Variants in DPYSL2 observed in about 807,000 individuals in gnomAD.
DPYSL2 encodes dihydropyrimidinase-related protein 2.
Under a neutral mutation model 69.9 loss-of-function variants are expected in DPYSL2, and 13 were observed. That is an observed-to-expected ratio of 0.19 (90% CI 0.12 to 0.30). The LOEUF is 0.30. Ranked by LOEUF, DPYSL2 falls within the 10% of genes least tolerant of loss-of-function variation. The pLI, the probability that DPYSL2 is intolerant of heterozygous loss-of-function variation, is 1.00. For synonymous variants in DPYSL2, 326 were observed against 359.1 expected (o/e 0.91, Z 1.04); for missense variants, 587 against 918.9 (o/e 0.64, Z 4.67).
Position 26,626,723 on chromosome 8 carries a change from C to T in DPYSL2, c.855+45C>T. The T allele has an allele frequency of 1.3e-6, 2 of 1,598,862 alleles. No homozygotes were observed. The highest frequency in any genetic ancestry group is 1.7e-6 in the Non-Finnish European group (2 of 1,166,910). ...GGAAGAGGCACCCTGACATTTGGTA[C>T]CTTCAGGCTGTGGCCGTTTGGGAAA... On this transcript the variant is annotated intron_variant, in intron 5 of 13. Coordinates refer to ENST00000521913, the MANE Select transcript of DPYSL2 (RefSeq NM_001197293.3). The surrounding 1 kb of genome is among the most constrained non-coding windows in gnomAD (Gnocchi z 4.3).
chr8:26,626,482 A>AACACACACAC lies in DPYSL2; in HGVS notation c.794-104_794-95dup, dbSNP rs58931747. The AACACACACAC allele has an allele frequency of 2.7e-5, 15 of 547,384 alleles. No individual in the cohort carries two copies. Among genetic ancestry groups the AACACACACAC allele is most frequent in the East Asian group, 1.3e-4 (4 of 31,836 alleles). The allele number at this position is 547,384 out of a possible 1,614,324, so 33.9% of individuals were successfully genotyped here. On this transcript the variant is annotated intron_variant, in intron 4 of 13. Transcript: ENST00000521913. This position sits in a 1 kb window ranked among gnomAD's most constrained non-coding sequence, Gnocchi z 4.3. ...TCTCCTCTCTCTTTCTCTGTACTGA[A>AACACACACAC]ACACACACACACACACACACACACA...
At chr8:26,634,977 TC>T (rs1216429391) in intron 8 of DPYSL2, 77 bp downstream of exon 8, 6 of 1,580,738 alleles carry the variant, frequency 3.8e-6, no homozygotes, top group Non-Finnish European at 5.2e-6. Context: ...TAGGGAGGGC[TC>T]CTTTTCCAGA....
intron 1 of DPYSL2, among the ~76,000 whole-genome samples, chr8:26,529,189 C>T (rs914741778): frequency 6.6e-6 from 1 of 151,788 alleles, no homozygotes; most frequent in African/African-American, 2.4e-5. Flanking sequence ...AATAGTAGGC[C>T]TAAGATCGTT....
rs58931747 is a variant in DPYSL2, at chr8:26,626,482, AACACACACACACACACACACACACAC to A, written c.794-120_794-95del. Reference sequence around the variant, plus strand: ...TCTCCTCTCTCTTTCTCTGTACTGAAACACACACACACACACACACACACACACACACACACACACGTACACACACA... The same window carrying A: ...TCTCCTCTCTCTTTCTCTGTACTGAAACACACACACACACGTACACACACA... On this transcript the variant is annotated intron_variant, in intron 4 of 13. Coordinates refer to ENST00000521913, the MANE Select transcript of DPYSL2 (RefSeq NM_001197293.3). The surrounding 1 kb of genome is among the most constrained non-coding windows in gnomAD (Gnocchi z 4.3). The A allele has an allele frequency of 1.5e-5, 8 of 547,386 alleles. No individual in the cohort carries two copies. In the Admixed American group the frequency reaches 1.7e-4, roughly 11 times the overall value. 33.9% of individuals were successfully genotyped at this position (547,386 alleles called of 1,614,324 possible).
chr8:26,607,183 A>G (rs1258142642), intron 3 of DPYSL2, among the ~76,000 whole-genome samples: 1 of 152,170 alleles, frequency 6.6e-6, no homozygotes, highest in Admixed American at 6.5e-5. Flanking sequence ...AGTAGTATAT[A>G]GTCATTAAAA....
At chr8:26,572,991 T>C (rs550636569) in intron 1 of DPYSL2, among the ~76,000 whole-genome samples, 12 of 152,198 alleles carry the variant, frequency 7.9e-5, no homozygotes, top group Middle Eastern at 3.4e-3. Context: ...GTTTCAGAAA[T>C]TGAGAAAAAA....
chr8:26,613,271 C>T (rs1317424422), intron 3 of DPYSL2, among the ~76,000 whole-genome samples: 1 of 152,224 alleles, frequency 6.6e-6, no homozygotes, highest in East Asian at 1.9e-4. Flanking sequence ...CTGCCTGCTC[C>T]CTGCCTCTCC....
intron 3 of DPYSL2, among the ~76,000 whole-genome samples, chr8:26,599,556 A>C (rs1347653007): frequency 3.1e-3 from 193 of 62,492 alleles, no homozygotes; most frequent in Admixed American, 7.8e-3. Context: ...CCCTCCCTCC[A>C]CTCCTCTCCC....
chr8:26,618,582 G>C (rs930765453), intron 3 of DPYSL2, among the ~76,000 whole-genome samples: 3 of 141,460 alleles, frequency 2.1e-5, no homozygotes, highest in Non-Finnish European at 3.0e-5. Context: ...GCCTCCCAAA[G>C]TGCTGAGATT....
chr8:26,546,921 C>CAAAAAAAAAAAAAAAA (rs61360009), intron 1 of DPYSL2, among the ~76,000 whole-genome samples: 4 of 46,208 alleles, frequency 8.7e-5, no homozygotes, highest in African/African-American at 4.5e-4. Flanking sequence ...GACTCAGTCT[C>CAAAAAAAAAAAAAAAA]AAAAAAAAAA....
intron 1 of DPYSL2, among the ~76,000 whole-genome samples, chr8:26,576,352 T>A (rs1801343221): frequency 6.6e-6 from 1 of 152,126 alleles, no homozygotes; most frequent in South Asian, 2.1e-4. Flanking sequence ...TGTGAGCCAA[T>A]TACATACTCT....
chr8:26,583,689 G>T, intron 2 of DPYSL2, 110 bp from the exon 3 acceptor site: 1 of 995,712 alleles, frequency 1.0e-6, no homozygotes, highest in South Asian at 1.8e-5. Context: ...GATCTGAAAA[G>T]CCCACGGCAC....
At chr8:26,636,283 T>C (rs1000223828) in intron 8 of DPYSL2, among the ~76,000 whole-genome samples, 4 of 152,246 alleles carry the variant, frequency 2.6e-5, no homozygotes, top group African/African-American at 9.6e-5. Flanking sequence ...GACACGCATT[T>C]GCAAGAAGGC....
Position 26,627,230 on chromosome 8 carries a change from A to T in DPYSL2, c.871A>T (p.Ser291Cys). The T allele has an allele frequency of 6.2e-7, 1 of 1,614,190 alleles. No individual in the cohort carries two copies. The highest frequency in any genetic ancestry group is 8.5e-7 in the Non-Finnish European group (1 of 1,180,030). ...LTDCQIYEVL[S>C]VIRDIGAIAQ... ...TCTCTCTCAGATTTATGAAGTACTG[A>T]GTGTGATCCGGGATATTGGCGCCAT... Residue 291 changes from serine (S) to cysteine (C), a missense_variant, in exon 6 of 14, where the codon AGT (serine) becomes TGT (cysteine). Coordinates refer to ENST00000521913, the MANE Select transcript of DPYSL2 (RefSeq NM_001197293.3). The surrounding 1 kb of genome is among the most constrained non-coding windows in gnomAD (Gnocchi z 6.9).
At position 26,531,835 on chromosome 8, in the gene DPYSL2, G is replaced by A. The variant is rs556495586; in HGVS notation, c.354+17156G>A. ...GGATGAAACCTGAAAGGACACCACTGGTTGGGCTTAGGTGCCGGTCTTGGT... is the reference window on the plus strand; with the variant it reads ...GGATGAAACCTGAAAGGACACCACTAGTTGGGCTTAGGTGCCGGTCTTGGT... On this transcript the variant is annotated intron_variant, in intron 1 of 13. Coordinates refer to ENST00000521913, the MANE Select transcript of DPYSL2 (RefSeq NM_001197293.3). Among the ~76,000 whole-genome samples the A allele has an allele frequency of 1.8e-4, 27 of 152,204 alleles. No homozygotes were observed. The South Asian group carries it at 4.0e-3, about 22-fold the overall frequency.
chr8:26,602,332 C>G (rs184479295), intron 3 of DPYSL2, among the ~76,000 whole-genome samples: 3 of 152,078 alleles, frequency 2.0e-5, no homozygotes, highest in East Asian at 3.9e-4. Context: ...CGAGATCTCT[C>G]TCGTCCTCCT....
Position 26,598,797 on chromosome 8 carries a change from T to G in DPYSL2, c.628+14814T>G, listed in dbSNP as rs1801924486. ...GCAGGTTTGAGACTTACACCTTGTT[T>G]ATTGCAATCTTTCTTTCATTTTGCA... On this transcript the variant is annotated intron_variant, in intron 3 of 13. Coordinates refer to ENST00000521913, the MANE Select transcript of DPYSL2 (RefSeq NM_001197293.3). The surrounding 1 kb of genome is among the most constrained non-coding windows in gnomAD (Gnocchi z 4.2). Among the ~76,000 whole-genome samples, 1 of 152,070 alleles carries G rather than the reference T, an allele frequency of 6.6e-6. No individual in the cohort carries two copies. The highest frequency in any genetic ancestry group is 6.5e-5 in the Admixed American group (1 of 15,270).
intron 1 of DPYSL2, among the ~76,000 whole-genome samples, chr8:26,577,526 GGCGCGCAGGCGGGCAGGGACCGGGGC>G (rs1212354413): frequency 2.0e-5 from 3 of 148,840 alleles, no homozygotes; most frequent in South Asian, 2.1e-4. Context: ...TCCGCGGATT[GGCGCGCAGGCGGGCAGGGACCGGGGC>G]GCGCGCAGGC....
intron 1 of DPYSL2, among the ~76,000 whole-genome samples, chr8:26,568,951 A>G (rs937454804): frequency 3.9e-5 from 6 of 152,120 alleles, no homozygotes; most frequent in African/African-American, 1.4e-4. Context: ...GATGCTTCCC[A>G]AGGACAGATC....
Sources: allele counts gnomAD v4.1 joint callset (sites outside exome capture counted in the v4.1 genomes callset), GRCh38; gene constraint gnomAD v4.1.1; non-coding constraint Gnocchi (gnomAD v3.1); transcripts MANE v1.5; gene names NCBI Gene and HGNC (gene_info 2026-07-23, HGNC 2026-07-21).